Variants in RNLS observed in about 807,000 individuals in gnomAD.
The protein encoded by RNLS is renalase, FAD dependent amine oxidase, also known as renalase.
Under a neutral mutation model 39.8 loss-of-function variants are expected in RNLS, and 39 were observed. The ratio of observed to expected loss-of-function variants is 0.98; its 90% CI spans 0.76 to 1.28. The LOEUF is 1.28. RNLS is among the 50% of genes most tolerant of loss of function. The pLI is 0.00. For missense variants in RNLS, 410 were observed against 413.3 expected (o/e 0.99, Z 0.07); for synonymous variants, 147 against 150.7 (o/e 0.98, Z 0.18).
intron 4 of RNLS, among the ~76,000 whole-genome samples, chr10:88,418,087 T>G (rs1854148595): frequency 6.6e-6 from 1 of 151,494 alleles, no homozygotes; most frequent in African/African-American, 2.4e-5. Context: ...TTGTCTTTTT[T>G]TTTTTTTTTT....
In RNLS at chr10:88,470,335, C is replaced by T. The variant is rs577030137; in HGVS notation, c.526+102568G>A. Among the ~76,000 whole-genome samples the T allele has an allele frequency of 1.6e-4, 24 of 152,124 alleles. No homozygotes were observed. In the South Asian group the frequency reaches 4.4e-3, roughly 28 times the overall value. On this transcript the variant is annotated intron_variant, in intron 4 of 6. Coordinates refer to ENST00000331772, the MANE Select transcript of RNLS (RefSeq NM_001031709.3). Reference sequence around the variant, plus strand: ...CACATATGTCCATCACAGCACTATTCGCAATAGTAAAGACATGGAATCAAC... The same window carrying T: ...CACATATGTCCATCACAGCACTATTTGCAATAGTAAAGACATGGAATCAAC...
At chr10:88,546,943 T>G (rs1250501716) in intron 4 of RNLS, among the ~76,000 whole-genome samples, 1 of 151,688 alleles carries the variant, frequency 6.6e-6, no homozygotes, top group African/African-American at 2.4e-5. Context: ...GACTGTACCA[T>G]GTGAATGACA....
At chr10:88,503,267 G>A (rs1381182805) in intron 4 of RNLS, among the ~76,000 whole-genome samples, 2 of 152,174 alleles carry the variant, frequency 1.3e-5, no homozygotes, top group African/African-American at 4.8e-5. Context: ...TGTAATCCCA[G>A]CTACTTGGGA....
intron 4 of RNLS, among the ~76,000 whole-genome samples, chr10:88,565,961 A>G (rs1470797615): frequency 6.6e-6 from 1 of 151,676 alleles, no homozygotes; most frequent in Non-Finnish European, 1.5e-5. Flanking sequence ...GTTGGCCAGG[A>G]TGGTCTCGAT....
intron 4 of RNLS, among the ~76,000 whole-genome samples, chr10:88,388,231 C>T (rs1851989239): frequency 6.6e-6 from 1 of 152,170 alleles, no homozygotes; most frequent in African/African-American, 2.4e-5. Context: ...GTAGATTCTA[C>T]TTCTAAAACA....
intron 4 of RNLS, among the ~76,000 whole-genome samples, chr10:88,423,209 G>GTAC (rs1313066503): frequency 6.6e-6 from 1 of 152,036 alleles, no homozygotes; most frequent in Non-Finnish European, 1.5e-5. Flanking sequence ...TTCCCTAGTG[G>GTAC]TACTGTTAAT....
chr10:88,435,308 A>G (rs934223323), intron 4 of RNLS, among the ~76,000 whole-genome samples: 1 of 152,102 alleles, frequency 6.6e-6, no homozygotes, highest in African/African-American at 2.4e-5. Context: ...TGCAATGAGC[A>G]TACTTATTTC....
At chr10:88,319,843 A>T (rs1255771082) in intron 5 of RNLS, among the ~76,000 whole-genome samples, 3 of 152,138 alleles carry the variant, frequency 2.0e-5, no homozygotes, top group Non-Finnish European at 4.4e-5. Context: ...GAAGAAAAAG[A>T]AAGCAACCTG....
At chr10:88,239,912 G>T in the RNLS span, among the ~76,000 whole-genome samples, 3 of 152,158 alleles carry the variant, frequency 2.0e-5, no homozygotes, top group African/African-American at 7.2e-5. Flanking sequence ...TGGGTCCAGT[G>T]CCTTGGGCAC....
At chr10:88,542,621 C>T (rs947449826) in intron 4 of RNLS, among the ~76,000 whole-genome samples, 1 of 152,164 alleles carries the variant, frequency 6.6e-6, no homozygotes, top group African/African-American at 2.4e-5. Flanking sequence ...ATCAGCTAAG[C>T]ATTTAGAAAC....
At chr10:88,293,729 A>G (rs1217182726) in intron 6 of RNLS, among the ~76,000 whole-genome samples, 11 of 152,126 alleles carry the variant, frequency 7.2e-5, no homozygotes, top group Admixed American at 5.2e-4. Flanking sequence ...CTCTGGGGTA[A>G]GGCTTGACAC....
At chr10:88,235,434 C>T in the RNLS span, among the ~76,000 whole-genome samples, 1 of 152,106 alleles carries the variant, frequency 6.6e-6, no homozygotes, top group Non-Finnish European at 1.5e-5. Flanking sequence ...CAACGACTCA[C>T]ATGGACAGCT....
chr10:88,510,530 T>C (rs1589925942), intron 4 of RNLS, among the ~76,000 whole-genome samples: 1 of 152,208 alleles, frequency 6.6e-6, no homozygotes, highest in South Asian at 2.1e-4. Context: ...AAATAGGATA[T>C]ATGTATATCA....
chr10:88,350,674 T>C (rs1435528119), intron 5 of RNLS, among the ~76,000 whole-genome samples: 6 of 152,180 alleles, frequency 3.9e-5, no homozygotes, highest in African/African-American at 1.4e-4. Context: ...CTATTGTGAG[T>C]AGTGCTGCAA....
intron 6 of RNLS, among the ~76,000 whole-genome samples, chr10:88,299,963 C>G (rs1469975361): frequency 2.6e-5 from 4 of 152,130 alleles, no homozygotes; most frequent in Non-Finnish European, 4.4e-5. Flanking sequence ...TAAATGTTAA[C>G]TATGATTATT....
intron 4 of RNLS, among the ~76,000 whole-genome samples, chr10:88,415,878 A>C (rs544182976): frequency 1.7e-3 from 258 of 152,296 alleles, no homozygotes; most frequent in Middle Eastern, 0.01. Context: ...GAAGATATTA[A>C]GGTTTTCTAG....
chr10:88,580,308 G>A (rs560429206), intron 3 of RNLS, among the ~76,000 whole-genome samples: 80 of 152,000 alleles, frequency 5.3e-4, no homozygotes, highest in Non-Finnish European at 8.8e-4. Context: ...ACTGAATCTC[G>A]AATGGAGAAA....
intron 4 of RNLS, among the ~76,000 whole-genome samples, chr10:88,487,916 T>A (rs1006073429): frequency 3.3e-5 from 5 of 152,220 alleles, no homozygotes; most frequent in African/African-American, 7.2e-5. Flanking sequence ...TATTGATGCA[T>A]ACAATAATGC....
intron 6 of RNLS, among the ~76,000 whole-genome samples, chr10:88,305,662 C>T (rs1844864321): frequency 6.6e-6 from 1 of 152,166 alleles, no homozygotes; most frequent in African/African-American, 2.4e-5. Flanking sequence ...AATACAGGAG[C>T]ACCTAGATGC....
Sources: allele counts gnomAD v4.1 joint callset (sites outside exome capture counted in the v4.1 genomes callset), GRCh38; gene constraint gnomAD v4.1.1; transcripts MANE v1.5; gene names NCBI Gene and HGNC (gene_info 2026-07-23, HGNC 2026-07-21).